Variants in CEP112 observed in about 807,000 individuals in gnomAD.
The protein encoded by CEP112 is centrosomal protein 112.
In CEP112, 127 loss-of-function variants were observed where a neutral mutation model predicts 153.0. That is an observed-to-expected ratio of 0.83 (90% CI 0.72 to 0.96). The LOEUF (loss-of-function observed/expected upper bound fraction) is 0.96, where lower values mean the gene tolerates loss of function less well. CEP112 is among the 40% of genes least tolerant of loss of function. The pLI, the probability that CEP112 is intolerant of heterozygous loss-of-function variation, is 0.00. For missense variants in CEP112, 1,089 were observed against 1,101.2 expected, an observed-to-expected ratio of 0.99 and a Z score of 0.16; for synonymous variants, 358 against 374.4, an observed-to-expected ratio of 0.96 and a Z score of 0.51.
At chr17:65,651,663 C>CTCCTTCCT (rs145259314) in intron 24 of CEP112, among the ~76,000 whole-genome samples, 6 of 149,372 alleles carry the variant, frequency 4.0e-5, no homozygotes, top group African/African-American at 7.4e-5. Context: ...CTCTTTCTTT[C>CTCCTTCCT]TCCTTCCTTC....
At chr17:65,719,329 C>T (rs553859200) in intron 23 of CEP112, among the ~76,000 whole-genome samples, 1 of 152,312 alleles carries the variant, frequency 6.6e-6, no homozygotes, top group African/African-American at 2.4e-5. Flanking sequence ...AATCCCAGCA[C>T]TTTGGGAGGA....
intron 9 of CEP112, among the ~76,000 whole-genome samples, chr17:66,068,727 G>A (rs1157135478): frequency 6.6e-6 from 1 of 151,972 alleles, no homozygotes; most frequent in Non-Finnish European, 1.5e-5. Context: ...ATGTTACTTT[G>A]AGTAAATCTT....
At chr17:65,716,994 T>G (rs1165985498) in intron 23 of CEP112, among the ~76,000 whole-genome samples, 1 of 152,226 alleles carries the variant, frequency 6.6e-6, no homozygotes, top group African/African-American at 2.4e-5. Flanking sequence ...TGAAATTGCA[T>G]TTAGAACCTT....
intron 20 of CEP112, among the ~76,000 whole-genome samples, chr17:65,873,935 C>T (rs909303622): frequency 3.9e-5 from 6 of 152,138 alleles, no homozygotes; most frequent in African/African-American, 1.4e-4. Context: ...TGTGTGATTA[C>T]AATTGAGTGT....
intron 21 of CEP112, among the ~76,000 whole-genome samples, chr17:65,767,917 C>G (rs1317499772): frequency 1.3e-5 from 2 of 152,062 alleles, no homozygotes; most frequent in African/African-American, 4.8e-5. Flanking sequence ...AACCAGATGT[C>G]TTCATGGCTG....
intron 24 of CEP112, among the ~76,000 whole-genome samples, chr17:65,646,038 G>A (rs2045410926): frequency 6.6e-6 from 1 of 152,072 alleles, no homozygotes; most frequent in Non-Finnish European, 1.5e-5. Context: ...AAGCCCTTTG[G>A]TTCACGCTTA....
At chr17:65,908,422 G>T (rs2060162209) in intron 19 of CEP112, among the ~76,000 whole-genome samples, 2 of 152,122 alleles carry the variant, frequency 1.3e-5, no homozygotes, top group African/African-American at 2.4e-5. Context: ...AGGGACCGGG[G>T]CAGTGGCTCA....
At chr17:65,809,853 G>A (rs548547517) in intron 21 of CEP112, among the ~76,000 whole-genome samples, 3 of 127,316 alleles carry the variant, frequency 2.4e-5, no homozygotes, top group Non-Finnish European at 5.2e-5. Flanking sequence ...TAAAGGAAGT[G>A]GGGGGGGGAA....
Position 66,176,894 on chromosome 17 carries a change from G to A in CEP112, c.233C>T (p.Ala78Val), listed in dbSNP as rs150126064. The change falls in exon 3 of 27, where the codon GCG becomes GTG. Residue 78 changes from alanine to valine, a missense_variant. Ala to Val is a moderately conservative substitution (Grantham distance 64, BLOSUM62 0). Coordinates refer to ENST00000535342, the MANE Select transcript of CEP112 (RefSeq NM_001199165.4). ...KLLLHMLKRG[A>V]LEGPFTHRPE... Reference sequence around the variant, plus strand: ...TCGGTGTGTAAAAGGGCCTTCAAGCGCACCTCGTTTAAGCATATGCAATAA... The same window carrying A: ...TCGGTGTGTAAAAGGGCCTTCAAGCACACCTCGTTTAAGCATATGCAATAA... 2.5e-4 allele frequency: 408 copies of A among 1,613,538 alleles called. 1 individual carries two copies. The highest frequency in any genetic ancestry group is 3.1e-4 in the Non-Finnish European group (370 of 1,179,834).
chr17:66,015,809 C>A (rs2064745936), intron 16 of CEP112, among the ~76,000 whole-genome samples: 1 of 152,104 alleles, frequency 6.6e-6, no homozygotes, highest in Non-Finnish European at 1.5e-5. Context: ...GAAAAGTTTT[C>A]TCATATCTTT....
intron 21 of CEP112, among the ~76,000 whole-genome samples, chr17:65,778,568 T>A (rs563645956): frequency 6.6e-6 from 1 of 152,242 alleles, no homozygotes; most frequent in Non-Finnish European, 1.5e-5. Context: ...CCCTTAGTAG[T>A]TGCTTGAAAA....
At chr17:65,799,000 T>G (rs893568256) in intron 21 of CEP112, among the ~76,000 whole-genome samples, 80 of 152,206 alleles carry the variant, frequency 5.3e-4, no homozygotes, top group Admixed American at 1.7e-3. Context: ...ACCAAATGTT[T>G]GAATTTCCTT....
chr17:65,675,243 C>T (rs62063562), intron 24 of CEP112, among the ~76,000 whole-genome samples: 17,165 of 152,042 alleles, frequency 0.11, 1,130 homozygotes, highest in Admixed American at 0.2. Flanking sequence ...ATCTAAATAC[C>T]GTAACTACTA....
intron 21 of CEP112, among the ~76,000 whole-genome samples, chr17:65,816,043 T>C (rs2056244842): frequency 6.6e-6 from 1 of 152,128 alleles, no homozygotes; most frequent in South Asian, 2.1e-4. Flanking sequence ...ACAGTAGATG[T>C]CTTTTCCTTG....
At chr17:65,954,635 T>A (rs1325027203) in intron 18 of CEP112, among the ~76,000 whole-genome samples, 2 of 150,726 alleles carry the variant, frequency 1.3e-5, no homozygotes, top group South Asian at 2.1e-4. Context: ...AAAAGAAGAG[T>A]TCTTCAGTGA....
chr17:66,043,853 G>A (rs8080587), intron 12 of CEP112, among the ~76,000 whole-genome samples: 2 of 151,698 alleles, frequency 1.3e-5, no homozygotes, highest in African/African-American at 4.8e-5. Context: ...CAACAAAAAA[G>A]AAAAAAGCCT....
chr17:66,050,944 G>A (rs1217217188), intron 12 of CEP112, among the ~76,000 whole-genome samples: 2 of 152,138 alleles, frequency 1.3e-5, no homozygotes, highest in Non-Finnish European at 2.9e-5. Flanking sequence ...TTCCATGGAA[G>A]GGAATGGAGG....
chr17:65,843,034 T>C (rs1447673850), intron 21 of CEP112, among the ~76,000 whole-genome samples: 1 of 152,080 alleles, frequency 6.6e-6, no homozygotes, highest in African/African-American at 2.4e-5. Context: ...AATAAAAAAA[T>C]TATCCTATAA....
chr17:65,970,439 A>G (rs1289222628), intron 17 of CEP112, among the ~76,000 whole-genome samples: 8 of 89,854 alleles, frequency 8.9e-5, no homozygotes, highest in African/African-American at 2.8e-4. Flanking sequence ...TGCACACATC[A>G]TGCATGTATA....
Sources: gnomAD v4.1 joint callset for allele counts (sites outside exome capture counted in the v4.1 genomes callset) on GRCh38, gnomAD v4.1.1 for gene constraint, MANE v1.5 for transcripts, NCBI Gene and HGNC (gene_info 2026-07-23, HGNC 2026-07-21) for gene names.